Variants in PVALB observed in about 807,000 individuals in gnomAD.
PVALB encodes the protein parvalbumin, also known as parvalbumin alpha.
A neutral mutation model predicts 10.9 loss-of-function variants in PVALB; 11 were observed. The ratio of observed to expected loss-of-function variants is 1.01; its 90% CI spans 0.63 to 1.67. PVALB has a LOEUF of 1.67. Among genes scored for constraint, PVALB ranks in the 40% most tolerant of loss-of-function variants. PVALB has a pLI of 0.00. For missense variants in PVALB, 131 were observed against 136.2 expected, an observed-to-expected ratio of 0.96 and a Z score of 0.19; for synonymous variants, 57 against 50.7, an observed-to-expected ratio of 1.12 and a Z score of -0.53.
intron 2 of PVALB, 86 bp downstream of exon 2, chr22:36,815,017 T>C: frequency 6.5e-7 from 1 of 1,540,046 alleles, no homozygotes; most frequent in Non-Finnish European, 8.9e-7. Flanking sequence ...AAGGCAGGTC[T>C]GATGGACACT....
chr22:36,815,384 G>A, intron 1 of PVALB, 149 bp from the exon 2 acceptor site: 2 of 1,102,808 alleles, frequency 1.8e-6, no homozygotes, highest in African/African-American at 1.6e-5. Context: ...AGGGCTGAGG[G>A]AGCCCGGGCA....
intron 3 of PVALB, 179 bp downstream of exon 3, chr22:36,813,467 C>A: frequency 1.8e-6 from 1 of 553,694 alleles, no homozygotes; most frequent in South Asian, 2.9e-5. Flanking sequence ...ACCAGTTTTC[C>A]TTTGTCTGGA....
In PVALB at chr22:36,815,192, G is replaced by A. The variant is rs1003189636; in HGVS notation, c.105C>T (p.Gly35=). ...CATCATCCGCACTCTTTTTCTTCAG[G>A]CCGACCATTTGGAAGAACTTTTTGT... ...FDHKKFFQMV[G]LKKKSADDVK... is the part of the protein sequence containing the mutation. Residue 35 remains glycine (G), a synonymous_variant, in exon 2 of 4, where the codon GGC becomes GGT. Transcript: ENST00000417718. The A allele has an allele frequency of 1.2e-5, 19 of 1,614,054 alleles. No homozygotes were observed. The highest frequency in any genetic ancestry group is 1.4e-5 in the Non-Finnish European group (17 of 1,180,012).
At chr22:36,819,122 C>A (rs1011557897), upstream of PVALB, among the ~76,000 whole-genome samples, 1 of 152,194 alleles carries the variant, frequency 6.6e-6, no homozygotes, top group African/African-American at 2.4e-5. Context: ...CCTCTGGGTC[C>A]TCTCTGATGG....
At chr22:36,807,789 C>T (rs906884049) in intron 3 of PVALB, among the ~76,000 whole-genome samples, 1 of 152,166 alleles carries the variant, frequency 6.6e-6, no homozygotes, top group African/African-American at 2.4e-5. Flanking sequence ...AGCCCAAGGC[C>T]TTACGCTACC....
At chr22:36,816,042 ATT>A (rs10605026) in intron 1 of PVALB, among the ~76,000 whole-genome samples, 31,600 of 136,160 alleles carry the variant, frequency 0.23, 6,615 homozygotes, top group African/African-American at 0.6. Context: ...TAGATCATGT[ATT>A]TTGTGTGTGT....
chr22:36,801,737 T>C (rs1938868678), intron 3 of PVALB, among the ~76,000 whole-genome samples: 1 of 152,026 alleles, frequency 6.6e-6, no homozygotes, highest in Non-Finnish European at 1.5e-5. Context: ...AAGGCAGAGG[T>C]TGCAGTGAGC....
chr22:36,802,007 C>T (rs979040576), intron 3 of PVALB, among the ~76,000 whole-genome samples: 1 of 152,020 alleles, frequency 6.6e-6, no homozygotes, highest in Non-Finnish European at 1.5e-5. Flanking sequence ...AAATAAAAAA[C>T]TGGTCGTGAA....
intron 2 of PVALB, 57 bp from the exon 3 acceptor site, chr22:36,813,812 G>C: frequency 7.7e-7 from 1 of 1,301,582 alleles, no homozygotes; most frequent in Non-Finnish European, 1.1e-6. Context: ...CGCCTTGCAG[G>C]ACGCTGGATG....
intron 3 of PVALB, among the ~76,000 whole-genome samples, chr22:36,801,349 G>T (rs980058524): frequency 6.6e-5 from 10 of 152,188 alleles, no homozygotes; most frequent in Non-Finnish European, 1.3e-4. Flanking sequence ...GAGGCTCAGG[G>T]TCCTGATTTC....
intron 3 of PVALB, among the ~76,000 whole-genome samples, chr22:36,805,545 G>T (rs186104254): frequency 1.7e-4 from 26 of 152,176 alleles, no homozygotes; most frequent in African/African-American, 5.3e-4. Context: ...TCCTGCCTCC[G>T]CCCTGGCACC....
chr22:36,810,597 T>C (rs1193303194), intron 3 of PVALB, among the ~76,000 whole-genome samples: 1 of 152,178 alleles, frequency 6.6e-6, no homozygotes, highest in Non-Finnish European at 1.5e-5. Flanking sequence ...ATCCTGGCCC[T>C]GACACTTGCT....
chr22:36,811,548 C>A (rs963804805), intron 3 of PVALB: 1 of 469,720 alleles, frequency 2.1e-6, no homozygotes, highest in Non-Finnish European at 4.4e-6. Context: ...TTAGTTGATG[C>A]CTTAAGATCT....
At chr22:36,801,605 G>A (rs4820251) in intron 3 of PVALB, among the ~76,000 whole-genome samples, 31,457 of 152,134 alleles carry the variant, frequency 0.21, 3,863 homozygotes, top group African/African-American at 0.34. Context: ...TTTGAGACCA[G>A]CCTGGCCAAC....
At chr22:36,811,383 G>C (rs1939044183) in intron 3 of PVALB, 3 of 426,328 alleles carry the variant, frequency 7.0e-6, no homozygotes, top group Non-Finnish European at 1.5e-5. Flanking sequence ...ATGTTATAAT[G>C]CCTAGTTTAC....
At chr22:36,801,051 G>A in intron 3 of PVALB, 133 bp from the exon 4 acceptor site, 1 of 793,722 alleles carries the variant, frequency 1.3e-6, no homozygotes, top group Non-Finnish European at 2.1e-6. Flanking sequence ...CAGAGCGTAA[G>A]TGTGAAAATG....
intron 1 of PVALB, 121 bp from the exon 2 acceptor site, chr22:36,815,356 G>A: frequency 7.4e-7 from 1 of 1,351,158 alleles, no homozygotes; most frequent in Non-Finnish European, 1.0e-6. Flanking sequence ...GGGAATGAGA[G>A]GTACCCACCT....
rs544922854 is a variant in PVALB, at chr22:36,808,226, T to C, written c.304+5420A>G. On this transcript the variant is annotated intron_variant, in intron 3 of 3. Coordinates refer to ENST00000417718, the MANE Select transcript of PVALB (RefSeq NM_001315532.2). Reference sequence around the variant, plus strand: ...TGTATGTATCAGTAACAAAAATATCTTGTAGAGCTGTTGGGAGGTTTGAAT... The same window carrying C: ...TGTATGTATCAGTAACAAAAATATCCTGTAGAGCTGTTGGGAGGTTTGAAT... Among the ~76,000 whole-genome samples the C allele has an allele frequency of 2.0e-5, 3 of 152,272 alleles. No individual in the cohort carries two copies. In the East Asian group the frequency reaches 5.8e-4, roughly 29 times the overall value.
chr22:36,819,349 A>T (rs1019207014), upstream of PVALB: 12 of 152,126 alleles, frequency 7.9e-5, no homozygotes, highest in African/African-American at 2.7e-4. Context: ...GTCACTACGG[A>T]CAGGGGAGAT....
Sources: allele counts gnomAD v4.1 joint callset (sites outside exome capture counted in the v4.1 genomes callset), GRCh38; gene constraint gnomAD v4.1.1; transcripts MANE v1.5; gene names NCBI Gene and HGNC (gene_info 2026-07-23, HGNC 2026-07-21).